Variants in NRG3 observed in about 807,000 individuals in gnomAD.
NRG3 encodes pro-neuregulin-3, membrane-bound isoform.
NRG3 carries 31 observed loss-of-function variants against 66.9 expected under a neutral mutation model. The ratio of observed to expected loss-of-function variants is 0.46; its 90% CI spans 0.35 to 0.63. The LOEUF (loss-of-function observed/expected upper bound fraction) is 0.63. Among genes scored for constraint, NRG3 ranks in the 20% least tolerant of loss-of-function variants. The probability of loss-of-function intolerance (pLI) is 0.00; values close to 1 mark genes in which losing one functional copy is unlikely to be tolerated. For missense variants in NRG3, 910 were observed against 878.9 expected, an observed-to-expected ratio of 1.04 and a Z score of -0.45; for synonymous variants, 393 against 359.4, an observed-to-expected ratio of 1.09 and a Z score of -1.06.
intron 1 of NRG3, among the ~76,000 whole-genome samples, chr10:81,985,935 C>G (rs1296358633): frequency 6.6e-6 from 1 of 152,180 alleles, no homozygotes; most frequent in Non-Finnish European, 1.5e-5. Flanking sequence ...GCAAAAATTA[C>G]TGCAACAAGT....
intron 2 of NRG3, among the ~76,000 whole-genome samples, chr10:82,682,958 T>C (rs2054220230): frequency 7.4e-6 from 1 of 135,702 alleles, no homozygotes; most frequent in Non-Finnish European, 1.6e-5. Context: ...TTTTTTTTTT[T>C]TTTTTTTTTT....
intron 2 of NRG3, among the ~76,000 whole-genome samples, chr10:82,418,378 A>T (rs901796526): frequency 4.8e-5 from 7 of 145,762 alleles, no homozygotes; most frequent in African/African-American, 1.8e-4. Context: ...GTAATAAAAA[A>T]TTAACCAGTT....
chr10:82,423,218 A>G (rs1396824300), intron 2 of NRG3, among the ~76,000 whole-genome samples: 1 of 151,994 alleles, frequency 6.6e-6, no homozygotes, highest in Non-Finnish European at 1.5e-5. Flanking sequence ...TATAATCATA[A>G]TTTCAACTGT....
At chr10:81,955,389 G>T (rs1849731587) in intron 1 of NRG3, among the ~76,000 whole-genome samples, 2 of 151,948 alleles carry the variant, frequency 1.3e-5, no homozygotes, top group South Asian at 4.1e-4. Flanking sequence ...ATGTTCCTCT[G>T]GGAGGCCAAG....
At chr10:82,071,505 G>A (rs527957832) in intron 1 of NRG3, among the ~76,000 whole-genome samples, 11 of 152,276 alleles carry the variant, frequency 7.2e-5, no homozygotes, top group South Asian at 2.1e-4. Context: ...TGGAAGCCTT[G>A]AGGGGAGAGC....
At chr10:81,991,269 CT>C (rs928037934) in intron 1 of NRG3, among the ~76,000 whole-genome samples, 15 of 151,938 alleles carry the variant, frequency 9.9e-5, no homozygotes, top group Admixed American at 2.6e-4. Context: ...ATCTCTGATC[CT>C]TTTTTGTTCA....
chr10:81,974,204 G>C (rs2060032928), intron 1 of NRG3, among the ~76,000 whole-genome samples: 1 of 152,108 alleles, frequency 6.6e-6, no homozygotes, highest in Admixed American at 6.6e-5. Context: ...GTTTATTGAA[G>C]ATCAGATAGT....
At chr10:82,339,619 A>C (rs1020446232) in intron 1 of NRG3, among the ~76,000 whole-genome samples, 2 of 152,220 alleles carry the variant, frequency 1.3e-5, no homozygotes, top group African/African-American at 4.8e-5. Context: ...AAACCACTTC[A>C]GTAACTTTCT....
intron 4 of NRG3, among the ~76,000 whole-genome samples, chr10:82,945,579 CAG>C (rs1235451937): frequency 3.9e-5 from 6 of 152,112 alleles, no homozygotes; most frequent in Non-Finnish European, 8.8e-5. Context: ...GCTCAGGAGA[CAG>C]AGAGAGGAAA....
chr10:82,421,519 A>G (rs1409215422), intron 2 of NRG3, among the ~76,000 whole-genome samples: 4 of 152,124 alleles, frequency 2.6e-5, no homozygotes, highest in Admixed American at 6.6e-5. Context: ...AAAGTCTATT[A>G]TGTAAGAGAT....
At chr10:82,060,930 G>GT in intron 1 of NRG3, among the ~76,000 whole-genome samples, 1 of 152,204 alleles carries the variant, frequency 6.6e-6, no homozygotes, top group Non-Finnish European at 1.5e-5. Flanking sequence ...AGAGGAAGGA[G>GT]TTCAGTCTTT....
At chr10:82,670,723 GA>G (rs1029414883) in intron 2 of NRG3, among the ~76,000 whole-genome samples, 1 of 151,322 alleles carries the variant, frequency 6.6e-6, no homozygotes, top group Non-Finnish European at 1.5e-5. Context: ...CTCTCTTCAA[GA>G]AAAAAAACAA....
chr10:82,482,788 A>T (rs1168538019), intron 2 of NRG3, among the ~76,000 whole-genome samples: 1 of 152,198 alleles, frequency 6.6e-6, no homozygotes, highest in Non-Finnish European at 1.5e-5. Context: ...GTTAATCTTC[A>T]TAGAGGTGCA....
chr10:82,251,086 GTTGGACGTACA>G (rs1564711430), intron 1 of NRG3, among the ~76,000 whole-genome samples: 1 of 152,178 alleles, frequency 6.6e-6, no homozygotes, highest in Non-Finnish European at 1.5e-5. Flanking sequence ...ATCTGACGAC[GTTGGACGTACA>G]TTGCTACAAA....
intron 1 of NRG3, among the ~76,000 whole-genome samples, chr10:82,143,847 T>G (rs2132674481): frequency 6.6e-6 from 1 of 152,164 alleles, no homozygotes; most frequent in South Asian, 2.1e-4. Flanking sequence ...CTGGGCAACA[T>G]GGCAAAATCC....
At chr10:82,374,087 A>C (rs2085059831) in intron 2 of NRG3, among the ~76,000 whole-genome samples, 1 of 152,182 alleles carries the variant, frequency 6.6e-6, no homozygotes, top group African/African-American at 2.4e-5. Flanking sequence ...AAATACGCTA[A>C]ATACCTACCA....
Position 82,823,756 on chromosome 10 carries a change from A to G in NRG3, c.1028-41655A>G, listed in dbSNP as rs116907185. On this transcript the variant is annotated intron_variant, in intron 3 of 8. Transcript: ENST00000372141. ...CTCAGACAAATTTTATCTTCAGAGT[A>G]ACCCCAGGGCTTGACTGAGGTCTCC... is the stretch of plus-strand genomic sequence containing the variant. 5.4e-3 allele frequency among the ~76,000 whole-genome samples: 827 copies of G among 152,300 alleles called. 6 individuals are homozygous for G. Among genetic ancestry groups the G allele is most frequent in the Non-Finnish European group, 8.8e-3 (599 of 68,018 alleles).
intron 7 of NRG3, among the ~76,000 whole-genome samples, chr10:82,977,598 C>CA (rs766341428): frequency 0.042 from 2,324 of 54,902 alleles, 43 homozygotes; most frequent in African/African-American, 0.082. Context: ...GACTCTGTCT[C>CA]AAAAAAAAAA....
chr10:82,481,779 G>A (rs1351572369), intron 2 of NRG3, among the ~76,000 whole-genome samples: 1 of 152,132 alleles, frequency 6.6e-6, no homozygotes, highest in African/African-American at 2.4e-5. Flanking sequence ...GAGGTCAGGA[G>A]TTCAAAACCA....
Sources: allele counts gnomAD v4.1 joint callset (sites outside exome capture counted in the v4.1 genomes callset), GRCh38; gene constraint gnomAD v4.1.1; transcripts MANE v1.5; gene names NCBI Gene and HGNC (gene_info 2026-07-23, HGNC 2026-07-21).